The following RBM26 variants were observed in gnomAD, a reference collection of about 807,000 sequenced individuals.
RBM26 encodes RNA binding motif protein 26, also known as RNA-binding protein 26.
Under a neutral mutation model 123.6 loss-of-function variants are expected in RBM26, and 30 were observed. The ratio of observed to expected loss-of-function variants is 0.24; its 90% CI spans 0.18 to 0.33. The LOEUF is 0.33. RBM26 is among the 10% of genes least tolerant of loss of function. RBM26 has a pLI of 1.00. For missense variants in RBM26, 947 were observed against 1,203.6 expected (o/e 0.79, Z 3.15); for synonymous variants, 400 against 404.4 (o/e 0.99, Z 0.13).
chr13:79,370,623 C>G (rs1337588803), intron 5 of RBM26, among the ~76,000 whole-genome samples: 1 of 152,174 alleles, frequency 6.6e-6, no homozygotes, highest in Non-Finnish European at 1.5e-5. Flanking sequence ...ATAGCGGACC[C>G]ATATGCTAAG....
intron 11 of RBM26, among the ~76,000 whole-genome samples, chr13:79,356,092 G>A (rs1401789706): frequency 6.6e-6 from 1 of 152,198 alleles, no homozygotes; most frequent in Non-Finnish European, 1.5e-5. Flanking sequence ...GCCAGGCATG[G>A]TGGCTCATGT....
chr13:79,329,336 CAT>C (rs757585478), intron 20 of RBM26, among the ~76,000 whole-genome samples: 93 of 151,218 alleles, frequency 6.2e-4, no homozygotes, highest in African/African-American at 1.9e-3. Context: ...TGTGCATATA[CAT>C]ATATATATAT....
rs77321768 is a variant in RBM26 at position 79,365,678 on chromosome 13, G to A, written c.1317C>T (p.Ser439=). Residue 439 remains serine (S), a synonymous_variant, in exon 9 of 22, where the codon AGC becomes AGT. Coordinates refer to ENST00000438737, the MANE Select transcript of RBM26 (RefSeq NM_001366735.2). ...ACATAGGTCTGGAAGTGTTTGTTAT[G>A]CTTGGGGCTTCAGGATTGTAGCCAT... ...DTDGYNPEAP[S]ITNTSRPMYR... The A allele has an allele frequency of 6.2e-6, 10 of 1,613,630 alleles. No homozygotes were observed. The highest frequency in any genetic ancestry group is 2.2e-5 in the East Asian group (1 of 44,860).
At chr13:79,376,722 C>T (rs1323853708) in intron 3 of RBM26, 2 of 152,144 alleles carry the variant, frequency 1.3e-5, no homozygotes, top group Non-Finnish European at 2.9e-5. Flanking sequence ...GACCAATTGT[C>T]AACCTAATTA....
chr13:79,377,648 C>T (rs542492978), intron 2 of RBM26, 133 bp from the exon 3 acceptor site: 2 of 736,106 alleles, frequency 2.7e-6, no homozygotes, highest in South Asian at 3.9e-5. Context: ...TAGCACTGGC[C>T]AGGCGTGGTG....
intron 1 of RBM26, among the ~76,000 whole-genome samples, chr13:79,392,008 T>C (rs2078047405): frequency 5.1e-5 from 1 of 19,448 alleles, no homozygotes; most frequent in Non-Finnish European, 9.2e-5. Flanking sequence ...TATATAATTA[T>C]ATATTATACA....
At chr13:79,338,008 A>G (rs1176662305) in intron 18 of RBM26, among the ~76,000 whole-genome samples, 1 of 152,180 alleles carries the variant, frequency 6.6e-6, no homozygotes, top group Non-Finnish European at 1.5e-5. Context: ...AACTGAGGCC[A>G]AAAGTTCAAG....
At chr13:79,354,333 C>A in intron 13 of RBM26, 106 bp downstream of exon 13, 1 of 958,248 alleles carries the variant, frequency 1.0e-6, no homozygotes, top group Non-Finnish European at 1.4e-6. Flanking sequence ...TAAAGACTAT[C>A]ATATTTCTAT....
At chr13:79,317,401 A>G (rs1196541780), downstream of RBM26, among the ~76,000 whole-genome samples, 1 of 151,704 alleles carries the variant, frequency 6.6e-6, no homozygotes, top group African/African-American at 2.4e-5. Flanking sequence ...GACCTTAGAG[A>G]TCATCTAGTC....
rs777874750 is a variant in RBM26 at position 79,358,405 on chromosome 13, C to T, written c.1558G>A (p.Gly520Ser). ...KPNFNRTNSP[G>S]FQKKVQFGNE... is the part of the protein sequence containing the mutation. Reference sequence around the variant, plus strand: ...CCAAATTGAACCTTCTTCTGAAAGCCTGGGCTGTTTGTTCTATTAAAATTT... The same window carrying T: ...CCAAATTGAACCTTCTTCTGAAAGCTTGGGCTGTTTGTTCTATTAAAATTT... The change falls in exon 11 of 22, where the codon GGC becomes AGC. Residue 520 changes from glycine to serine, a missense_variant. By Grantham distance (56) the Gly-to-Ser change is moderately conservative. Around this residue, in one of 5 missense-constraint regions of RBM26, gnomAD observed 493 missense variants for 563.1 expected, o/e 0.88. Transcript: ENST00000438737. 1 of 1,610,888 alleles carries T rather than the reference C, an allele frequency of 6.2e-7. No individual in the cohort carries two copies. The highest frequency in any genetic ancestry group is 1.1e-5 in the South Asian group (1 of 90,082).
intron 11 of RBM26, among the ~76,000 whole-genome samples, chr13:79,356,380 A>AC (rs1489136873): frequency 1.9e-4 from 7 of 37,804 alleles, no homozygotes; most frequent in Non-Finnish European, 4.4e-4. Context: ...AAAAAAAAAA[A>AC]AAAACAAACA....
downstream of RBM26, among the ~76,000 whole-genome samples, chr13:79,316,799 C>G (rs564909593): frequency 3.3e-5 from 5 of 151,646 alleles, no homozygotes; most frequent in Admixed American, 6.6e-5. Flanking sequence ...ATCTTTTAAC[C>G]AGTAATACAC....
chr13:79,394,587 T>C (rs958480777), intron 1 of RBM26, among the ~76,000 whole-genome samples: 8 of 152,230 alleles, frequency 5.3e-5, no homozygotes, highest in Non-Finnish European at 1.2e-4. Flanking sequence ...TTCAAGGTCA[T>C]ATTTGAACAA....
Position 79,368,636 on chromosome 13 carries a change from G to T in RBM26, c.895+94C>A. ...AAGGCTAATTTCCCACTTTTCAGAG[G>T]TAAGTCTTTGAATAACTATGTACAA... On this transcript the variant is annotated intron_variant, in intron 6 of 21. Coordinates refer to ENST00000438737, the MANE Select transcript of RBM26 (RefSeq NM_001366735.2). The T allele has an allele frequency of 2.5e-6, 3 of 1,214,804 alleles. No individual in the cohort carries two copies. In the Admixed American group the frequency reaches 6.8e-5, roughly 28 times the overall value. The allele number at this position is 1,214,804 out of a possible 1,614,324, so 75.3% of individuals were successfully genotyped here.
chr13:79,349,888 G>C (rs763861507), intron 14 of RBM26, among the ~76,000 whole-genome samples: 27 of 152,050 alleles, frequency 1.8e-4, no homozygotes, highest in Non-Finnish European at 3.1e-4. Flanking sequence ...AGAAGAGACA[G>C]GGTTTCACTG....
At chr13:79,347,801 C>A in intron 14 of RBM26, among the ~76,000 whole-genome samples, 1 of 114,970 alleles carries the variant, frequency 8.7e-6, no homozygotes, top group East Asian at 4.0e-4. Context: ...CTCTCCAGTA[C>A]AATACTAAAA....
At chr13:79,374,657 A>T (rs940868404) in intron 3 of RBM26, among the ~76,000 whole-genome samples, 2 of 152,124 alleles carry the variant, frequency 1.3e-5, no homozygotes, top group Non-Finnish European at 2.9e-5. Context: ...CTCCCAGACC[A>T]GACAAAAAAC....
chr13:79,364,855 A>G (rs527453068), intron 9 of RBM26, among the ~76,000 whole-genome samples: 49 of 152,300 alleles, frequency 3.2e-4, no homozygotes, highest in African/African-American at 1.1e-3. Flanking sequence ...ACGCAAACTA[A>G]TATCAAATTT....
rs772923765 is a variant in RBM26 at position 79,355,242 on chromosome 13, T to G, written c.1832A>C (p.Gln611Pro). The change falls in exon 12 of 22, where the codon CAG becomes CCG. Residue 611 changes from glutamine (Q) to proline (P), a missense_variant. Coordinates refer to ENST00000438737, the MANE Select transcript of RBM26 (RefSeq NM_001366735.2). ...VYWHREGSTQ[Q>P]LQTTSPKVMQ... ...TACCTTTGGAGAAGTAGTTTGTAAC[T>G]GTTGGGTGCTTCCTTCTCTGTGCCA... The G allele has an allele frequency of 1.2e-6, 2 of 1,613,960 alleles. No homozygotes were observed. The highest frequency in any genetic ancestry group is 1.7e-6 in the Non-Finnish European group (2 of 1,179,864).
Sources: allele counts gnomAD v4.1 joint callset (sites outside exome capture counted in the v4.1 genomes callset), GRCh38; gene constraint gnomAD v4.1.1; regional missense constraint gnomAD v4.1.1; transcripts MANE v1.5; gene names NCBI Gene and HGNC (gene_info 2026-07-23, HGNC 2026-07-21).